The following ZSWIM5 variants were observed in gnomAD, a reference collection of about 807,000 sequenced individuals.
The protein encoded by ZSWIM5 is zinc finger SWIM-type containing 5.
A neutral mutation model predicts 119.6 loss-of-function variants in ZSWIM5; 55 were observed. That is an observed-to-expected ratio of 0.46 (90% CI 0.37 to 0.58). The LOEUF (loss-of-function observed/expected upper bound fraction) is 0.58, where lower values mean the gene tolerates loss of function less well. Ranked by LOEUF, ZSWIM5 falls within the 20% of genes least tolerant of loss-of-function variation. The pLI is 0.00. For synonymous variants in ZSWIM5, 537 were observed against 606.9 expected (o/e 0.88, Z 1.69); for missense variants, 1,193 against 1,512.8 (o/e 0.79, Z 3.51).
chr1:45,078,934 G>A (rs1276150009), intron 2 of ZSWIM5, among the ~76,000 whole-genome samples: 1 of 152,150 alleles, frequency 6.6e-6, no homozygotes, highest in African/African-American at 2.4e-5. Flanking sequence ...CTAAGCCATC[G>A]TATCCCCTGT....
intron 5 of ZSWIM5, among the ~76,000 whole-genome samples, chr1:45,044,902 G>T (rs1645045070): frequency 7.5e-6 from 1 of 134,088 alleles, no homozygotes; most frequent in African/African-American, 2.8e-5. Context: ...CAGAGGGGCT[G>T]AGTCAGGAGG....
chr1:45,064,194 T>G (rs1372363324), intron 2 of ZSWIM5, among the ~76,000 whole-genome samples: 1 of 152,226 alleles, frequency 6.6e-6, no homozygotes, highest in Non-Finnish European at 1.5e-5. Context: ...TTTGTATTTG[T>G]ATTCTCCTGA....
At chr1:45,096,459 TGTGC>T (rs1181833306) in intron 1 of ZSWIM5, among the ~76,000 whole-genome samples, 4 of 141,836 alleles carry the variant, frequency 2.8e-5, no homozygotes, top group East Asian at 2.0e-4. Flanking sequence ...TGTGTGTGTG[TGTGC>T]GTGTGTGTGC....
At chr1:45,127,639 T>C (rs1645629844) in intron 1 of ZSWIM5, among the ~76,000 whole-genome samples, 1 of 151,946 alleles carries the variant, frequency 6.6e-6, no homozygotes, top group Non-Finnish European at 1.5e-5. Context: ...GGGTCTTGCT[T>C]TGTTGCCCAG....
intron 1 of ZSWIM5, among the ~76,000 whole-genome samples, chr1:45,187,595 T>A (rs1570199807): frequency 6.6e-6 from 1 of 151,786 alleles, no homozygotes; most frequent in East Asian, 1.9e-4. Flanking sequence ...AGAAAAAAAA[T>A]AAATTGTACT....
chr1:45,161,973 T>C (rs1032996791), intron 1 of ZSWIM5, among the ~76,000 whole-genome samples: 3 of 152,222 alleles, frequency 2.0e-5, no homozygotes, highest in Non-Finnish European at 4.4e-5. Flanking sequence ...CTAATGCCAC[T>C]TTTTAGGTTA....
chr1:45,060,453 T>G (rs554838834), intron 2 of ZSWIM5, among the ~76,000 whole-genome samples: 1 of 152,312 alleles, frequency 6.6e-6, no homozygotes, highest in East Asian at 1.9e-4. Flanking sequence ...TAATGCTACT[T>G]GCATGTTCAC....
At chr1:45,193,938 G>GTATATATATATA (rs112350029) in intron 1 of ZSWIM5, among the ~76,000 whole-genome samples, 276 of 146,244 alleles carry the variant, frequency 1.9e-3, no homozygotes, top group East Asian at 5.2e-3. Context: ...GTGCATATGT[G>GTATATATATATA]TATATATATA....
chr1:45,069,790 T>C (rs1424280139), intron 2 of ZSWIM5, among the ~76,000 whole-genome samples: 1 of 152,212 alleles, frequency 6.6e-6, no homozygotes, highest in Non-Finnish European at 1.5e-5. Context: ...GTGATAAACT[T>C]GTCTCTTTAA....
intron 2 of ZSWIM5, among the ~76,000 whole-genome samples, chr1:45,066,364 A>T (rs1190708730): frequency 1.3e-5 from 2 of 152,200 alleles, no homozygotes; most frequent in African/African-American, 4.8e-5. Flanking sequence ...AACAAAGCAG[A>T]TACGGAGCTT....
At chr1:45,098,730 C>T (rs910802255) in intron 1 of ZSWIM5, among the ~76,000 whole-genome samples, 1 of 152,166 alleles carries the variant, frequency 6.6e-6, no homozygotes, top group African/African-American at 2.4e-5. Flanking sequence ...AATTAGAACT[C>T]AGGATTAAGA....
intron 1 of ZSWIM5, among the ~76,000 whole-genome samples, chr1:45,163,261 G>C (rs556904650): frequency 6.6e-6 from 1 of 152,312 alleles, no homozygotes; most frequent in East Asian, 1.9e-4. Context: ...TGAGGGTCCT[G>C]ACTGTTAAAA....
chr1:45,130,794 A>G (rs1477895318), intron 1 of ZSWIM5, among the ~76,000 whole-genome samples: 1 of 152,244 alleles, frequency 6.6e-6, no homozygotes. Flanking sequence ...AGCTTTATTC[A>G]TAATTCATAT....
intron 4 of ZSWIM5, among the ~76,000 whole-genome samples, chr1:45,056,529 G>C (rs190773924): frequency 4.9e-4 from 75 of 151,970 alleles, no homozygotes; most frequent in Admixed American, 2.7e-3. Flanking sequence ...AGGAGGCAGA[G>C]GTTGCAGTGA....
At chr1:45,171,949 C>T (rs1284950587) in intron 1 of ZSWIM5, among the ~76,000 whole-genome samples, 1 of 152,072 alleles carries the variant, frequency 6.6e-6, no homozygotes, top group Non-Finnish European at 1.5e-5. Context: ...TTGAATGAGA[C>T]TATTCAAGTT....
intron 9 of ZSWIM5, 38 bp from the exon 10 acceptor site, chr1:45,035,861 G>C: frequency 1.2e-6 from 2 of 1,606,642 alleles, no homozygotes; most frequent in Non-Finnish European, 1.7e-6. Flanking sequence ...TTATCTGTAT[G>C]CTTCCATCTG....
At chr1:45,183,053 A>G (rs889679636) in intron 1 of ZSWIM5, among the ~76,000 whole-genome samples, 2 of 152,126 alleles carry the variant, frequency 1.3e-5, no homozygotes, top group Non-Finnish European at 2.9e-5. Context: ...ACTGTCTCTC[A>G]GACCACAGTG....
intron 1 of ZSWIM5, among the ~76,000 whole-genome samples, chr1:45,198,749 T>C (rs764641625): frequency 2.0e-5 from 3 of 152,364 alleles, no homozygotes; most frequent in Non-Finnish European, 1.5e-5. Flanking sequence ...CAGTCAATAA[T>C]GTAAAGAAGA....
intron 1 of ZSWIM5, among the ~76,000 whole-genome samples, chr1:45,163,864 A>G (rs975254536): frequency 6.6e-6 from 1 of 152,050 alleles, no homozygotes; most frequent in Non-Finnish European, 1.5e-5. Flanking sequence ...TGAAAGTGAC[A>G]GGGAGAATGG....
Sources: gnomAD v4.1 joint callset for allele counts (sites outside exome capture counted in the v4.1 genomes callset) on GRCh38, gnomAD v4.1.1 for gene constraint, MANE v1.5 for transcripts, NCBI Gene and HGNC (gene_info 2026-07-23, HGNC 2026-07-21) for gene names.